Variants in NUDT14 observed in about 807,000 individuals in gnomAD.
The protein encoded by NUDT14 is uridine diphosphate glucose pyrophosphatase NUDT14.
A neutral mutation model predicts 17.5 loss-of-function variants in NUDT14; 22 were observed. The observed-to-expected ratio is 1.26, with a 90% CI of 0.90 to 1.80. NUDT14 has a LOEUF of 1.80. Ranked by LOEUF, NUDT14 falls within the 40% of genes most tolerant of loss-of-function variation. The pLI is 0.00. For missense variants in NUDT14, 296 were observed against 295.6 expected, an observed-to-expected ratio of 1.00 and a Z score of -0.01; for synonymous variants, 129 against 125.8, an observed-to-expected ratio of 1.03 and a Z score of -0.17.
chr14:105,174,309 G>A (rs1048256798), intron 4 of NUDT14, among the ~76,000 whole-genome samples: 2 of 152,098 alleles, frequency 1.3e-5, no homozygotes, highest in African/African-American at 2.4e-5. Flanking sequence ...GAACAGGAGG[G>A]GGAGGGCCAG....
intron 1 of NUDT14, 143 bp from the exon 2 acceptor site, chr14:105,177,878 G>C: frequency 1.5e-6 from 1 of 679,750 alleles, no homozygotes; most frequent in Non-Finnish European, 2.6e-6. Flanking sequence ...AGGAACTGCA[G>C]CTCCCGTGGG....
At position 105,173,553 on chromosome 14, in the gene NUDT14, T is replaced by A; in HGVS notation, c.429-292A>T. On this transcript the variant is annotated intron_variant, in intron 4 of 4. Transcript: ENST00000392568. This position sits in a 1 kb window ranked among gnomAD's most constrained non-coding sequence, Gnocchi z 4.7. ...CTTGAGCTCATCAGAAGGGAGAGCA[T>A]CCTAGGCGGGCATGGCCCGATCACG... The A allele has an allele frequency of 6.8e-6, 2 of 293,760 alleles. No homozygotes were observed. Among genetic ancestry groups the A allele is most frequent in the Non-Finnish European group, 1.3e-5 (2 of 158,558 alleles). 18.2% of individuals were successfully genotyped at this position (293,760 alleles called of 1,614,324 possible).
intron 1 of NUDT14, among the ~76,000 whole-genome samples, 171 bp downstream of exon 1, chr14:105,180,958 G>T (rs1030513431): frequency 1.3e-5 from 2 of 152,046 alleles, no homozygotes; most frequent in Non-Finnish European, 2.9e-5. Context: ...GGGCTCACTG[G>T]GTCTGGGAAC....
intron 1 of NUDT14, among the ~76,000 whole-genome samples, chr14:105,178,681 G>A (rs970578779): frequency 6.6e-6 from 1 of 152,238 alleles, no homozygotes; most frequent in Non-Finnish European, 1.5e-5. Flanking sequence ...CCCCACCGGG[G>A]GCTCTGCCCA....
chr14:105,178,552 G>C (rs1027444664), intron 1 of NUDT14, among the ~76,000 whole-genome samples: 1 of 152,198 alleles, frequency 6.6e-6, no homozygotes, highest in Non-Finnish European at 1.5e-5. Flanking sequence ...GGGGAGGCTG[G>C]AACTGATGCA....
At chr14:105,177,365 A>C (rs1398065530) in intron 2 of NUDT14, 3 of 550,264 alleles carry the variant, frequency 5.5e-6, no homozygotes, top group Non-Finnish European at 9.9e-6. Flanking sequence ...GCTGCCCACC[A>C]GCCACACTCC....
In NUDT14 at chr14:105,173,286, G is replaced by A. The variant is rs764047539; in HGVS notation, c.429-25C>T. On this transcript the variant is annotated intron_variant, in intron 4 of 4. Coordinates refer to ENST00000392568, the MANE Select transcript of NUDT14 (RefSeq NM_177533.5). This position sits in a 1 kb window ranked among gnomAD's most constrained non-coding sequence, Gnocchi z 4.7. ...CCTACGGGTTGAGACAGGGTCTGCTGAGTCACCCACGCTGGCCCCGCTGGC... is the reference window on the plus strand; with the variant it reads ...CCTACGGGTTGAGACAGGGTCTGCTAAGTCACCCACGCTGGCCCCGCTGGC... The A allele has an allele frequency of 2.7e-6, 4 of 1,491,196 alleles. No individual in the cohort carries two copies. Among genetic ancestry groups the A allele is most frequent in the Non-Finnish European group, 3.6e-6 (4 of 1,120,130 alleles). 92.4% of individuals were successfully genotyped at this position (1,491,196 alleles called of 1,614,324 possible).
At chr14:105,180,196 T>C (rs587714087) in intron 1 of NUDT14, among the ~76,000 whole-genome samples, 1 of 152,318 alleles carries the variant, frequency 6.6e-6, no homozygotes, top group Admixed American at 6.5e-5. Context: ...CCAACACATA[T>C]GCCTCATGCC....
At chr14:105,178,467 C>A (rs970906126) in intron 1 of NUDT14, among the ~76,000 whole-genome samples, 2 of 152,176 alleles carry the variant, frequency 1.3e-5, no homozygotes, top group African/African-American at 4.8e-5. Flanking sequence ...ACCACCCTGG[C>A]AGGCCCCTGC....
chr14:105,174,149 A>G (rs11844119), intron 4 of NUDT14, among the ~76,000 whole-genome samples: 101,857 of 151,948 alleles, frequency 0.67, 34,653 homozygotes, highest in African/African-American at 0.79. Context: ...GGGTAAGAGG[A>G]AGCCCCCTCC....
At chr14:105,174,481 A>G (rs1889169486) in intron 4 of NUDT14, among the ~76,000 whole-genome samples, 1 of 152,022 alleles carries the variant, frequency 6.6e-6, no homozygotes, top group Non-Finnish European at 1.5e-5. Flanking sequence ...CCCAACATAC[A>G]GGGGCAGGGA....
In NUDT14 at chr14:105,181,264, G is replaced by T; in HGVS notation, c.-55C>A. The T allele has an allele frequency of 1.4e-6, 1 of 694,616 alleles. No homozygotes were observed. The highest frequency in any genetic ancestry group is 1.9e-6 in the Non-Finnish European group (1 of 540,026). The allele number at this position is 694,616 out of a possible 1,614,324, so 43.0% of individuals were successfully genotyped here. The stretch of plus-strand genomic sequence containing the variant: ...GCTCTGCGGGGGCCGACACGGGGCG[G>T]CGCCCTGTCCCGACAGGAGCCTTCG... On this transcript the variant is annotated 5_prime_UTR_variant, in exon 1 of 5. Transcript: ENST00000392568. The surrounding 1 kb of genome is among the most constrained non-coding windows in gnomAD (Gnocchi z 5.0).
At position 105,181,237 on chromosome 14, in the gene NUDT14, GAGCTCTGCGGGGGCCGA is replaced by G; in HGVS notation, c.-45_-29del. 4.2e-6 allele frequency: 1 copy of G among 235,906 alleles called. No homozygotes were observed. The highest frequency in any genetic ancestry group is 5.3e-6 in the Non-Finnish European group (1 of 186,942). 14.6% of individuals were successfully genotyped at this position (235,906 alleles called of 1,614,324 possible). On this transcript the variant is annotated 5_prime_UTR_variant, in exon 1 of 5. Coordinates refer to ENST00000392568, the MANE Select transcript of NUDT14 (RefSeq NM_177533.5). The surrounding 1 kb of genome is among the most constrained non-coding windows in gnomAD (Gnocchi z 5.0). ...CGGCGCCCGGACAGGCGGGGGCCGCGAGCTCTGCGGGGGCCGACACGGGGCGGCGCCCTGTCCCGACA... is the reference window on the plus strand; with the variant it reads ...CGGCGCCCGGACAGGCGGGGGCCGCGCACGGGGCGGCGCCCTGTCCCGACA...
intron 3 of NUDT14, 33 bp from the exon 4 acceptor site, chr14:105,176,804 C>G: frequency 6.2e-7 from 1 of 1,600,788 alleles, no homozygotes; most frequent in South Asian, 1.1e-5. Context: ...GTGCTCACAG[C>G]CACGTGGTGG....
intron 4 of NUDT14, among the ~76,000 whole-genome samples, chr14:105,175,277 G>A (rs1044624199): frequency 5.3e-5 from 8 of 152,264 alleles, no homozygotes; most frequent in Non-Finnish European, 8.8e-5. Context: ...TATGGGCTGG[G>A]GAGCTGGGGG....
intron 4 of NUDT14, among the ~76,000 whole-genome samples, chr14:105,174,695 G>A (rs184807583): frequency 2.0e-5 from 3 of 152,144 alleles, no homozygotes; most frequent in Non-Finnish European, 2.9e-5. Context: ...CCCGGTTTCC[G>A]CCGGCTTGTG....
intron 4 of NUDT14, among the ~76,000 whole-genome samples, chr14:105,174,809 G>A (rs1378926460): frequency 6.6e-6 from 1 of 152,096 alleles, no homozygotes; most frequent in East Asian, 1.9e-4. Flanking sequence ...ACTCCATCAC[G>A]CCCCAAGCTG....
chr14:105,176,833 C>T, intron 3 of NUDT14, 62 bp from the exon 4 acceptor site: 2 of 1,573,428 alleles, frequency 1.3e-6, no homozygotes, highest in Non-Finnish European at 1.7e-6. Flanking sequence ...AGGTCACCCA[C>T]ACAGCCAAGC....
chr14:105,177,282 G>T (rs10139596), intron 2 of NUDT14: 2 of 631,584 alleles, frequency 3.2e-6, no homozygotes, highest in Admixed American at 4.6e-5. Flanking sequence ...AAGGACACAC[G>T]GGCAGCTGAG....
Sources: gnomAD v4.1 joint callset for allele counts (sites outside exome capture counted in the v4.1 genomes callset) on GRCh38, gnomAD v4.1.1 for gene constraint, Gnocchi (gnomAD v3.1) non-coding constraint, MANE v1.5 for transcripts, NCBI Gene and HGNC (gene_info 2026-07-23, HGNC 2026-07-21) for gene names.